The following KMT2C variants were observed in gnomAD, a reference collection of about 807,000 sequenced individuals.
KMT2C encodes the protein lysine methyltransferase 2C, also known as histone-lysine N-methyltransferase 2C.
Under a neutral mutation model 507.9 loss-of-function variants are expected in KMT2C, and 88 were observed. The ratio of observed to expected loss-of-function variants is 0.17; its 90% CI spans 0.15 to 0.21. KMT2C has a LOEUF of 0.21. Ranked by LOEUF, KMT2C falls within the 10% of genes least tolerant of loss-of-function variation. KMT2C has a pLI of 1.00. For missense variants in KMT2C, 4,954 were observed against 5,957.8 expected (o/e 0.83, Z 5.55); for synonymous variants, 2,049 against 2,080.8 (o/e 0.98, Z 0.42).
Position 152,207,347 on chromosome 7 carries a change from T to A in KMT2C, c.3794A>T (p.Glu1265Val). Residue 1265 changes from glutamate (E) to valine (V), a missense_variant, in exon 24 of 59, where the codon GAA becomes GTA. Transcript: ENST00000262189. ...EAVDDETKGV[E>V]GTDGVKKRKR... ...TCTCTTTTTGACACCATCTGTTCCTTCCACTCCCTTAGTTTCATCATCCAC... is the reference window on the plus strand; with the variant it reads ...TCTCTTTTTGACACCATCTGTTCCTACCACTCCCTTAGTTTCATCATCCAC... The A allele has an allele frequency of 6.2e-7, 1 of 1,611,378 alleles. No individual in the cohort carries two copies. Among genetic ancestry groups the A allele is most frequent in the South Asian group, 1.1e-5 (1 of 90,890 alleles).
intron 2 of KMT2C, among the ~76,000 whole-genome samples, chr7:152,352,675 G>T (rs1403591304): frequency 6.6e-6 from 1 of 152,128 alleles, no homozygotes. Context: ...CCAATATCTG[G>T]CTGAATTTCC....
chr7:152,263,600 T>G (rs954499834), intron 8 of KMT2C, among the ~76,000 whole-genome samples: 10 of 152,182 alleles, frequency 6.6e-5, no homozygotes, highest in African/African-American at 2.4e-4. Context: ...CAACTTAGAC[T>G]AAAGCTCTCT....
intron 15 of KMT2C, among the ~76,000 whole-genome samples, chr7:152,236,720 C>A (rs535995112): frequency 1.3e-5 from 2 of 152,264 alleles, no homozygotes; most frequent in African/African-American, 4.8e-5. Flanking sequence ...GAGACAAGAA[C>A]TTGCTCCGTC....
At chr7:152,323,563 C>G (rs2096790762) in intron 3 of KMT2C, among the ~76,000 whole-genome samples, 1 of 150,088 alleles carries the variant, frequency 6.7e-6, no homozygotes, top group Non-Finnish European at 1.5e-5. Context: ...TGCCTGAGCC[C>G]AGGAAGTTGA....
rs373378915 is a variant in KMT2C at position 152,162,995 on chromosome 7, T to A, written c.10582A>T (p.Asn3528Tyr). ...DSPSIPVGSP[N>Y]FSSVKQGHGN... ...TGTCCCTGCTTCACAGAAGAAAAAT[T>A]TGGGCTTCCAACAGGGATTGATGGT... The change falls in exon 43 of 59, where the codon AAT becomes TAT. Residue 3528 changes from asparagine to tyrosine, a missense_variant. Transcript: ENST00000262189. 2 of 1,614,134 alleles carry A rather than the reference T, an allele frequency of 1.2e-6. No homozygotes were observed. Among genetic ancestry groups the A allele is most frequent in the African/African-American group, 1.3e-5 (1 of 75,032 alleles).
chr7:152,408,930 C>A (rs2097651701), intron 1 of KMT2C, among the ~76,000 whole-genome samples: 1 of 151,638 alleles, frequency 6.6e-6, no homozygotes, highest in African/African-American at 2.4e-5. Flanking sequence ...GTTAATTCTA[C>A]ACTATCTAAA....
intron 43 of KMT2C, among the ~76,000 whole-genome samples, 190 bp downstream of exon 43, chr7:152,161,927 A>G (rs2092475392): frequency 6.6e-6 from 1 of 152,216 alleles, no homozygotes; most frequent in African/African-American, 2.4e-5. Flanking sequence ...TAAACAAATT[A>G]TTATTTAATA....
chr7:152,429,241 C>A (rs572411484), intron 1 of KMT2C, among the ~76,000 whole-genome samples: 1 of 152,168 alleles, frequency 6.6e-6, no homozygotes, highest in African/African-American at 2.4e-5. Flanking sequence ...ATAACATGTA[C>A]CAAATGAAAG....
intron 6 of KMT2C, among the ~76,000 whole-genome samples, chr7:152,280,377 C>T (rs1390255333): frequency 6.6e-6 from 1 of 151,052 alleles, no homozygotes; most frequent in African/African-American, 2.4e-5. Flanking sequence ...CCCGTCTCTA[C>T]TAAAAATAAA....
At chr7:152,147,895 T>A (rs542722015) in intron 52 of KMT2C, 138 bp downstream of exon 52, 8 of 896,812 alleles carry the variant, frequency 8.9e-6, no homozygotes, top group Middle Eastern at 3.5e-4. Flanking sequence ...AACACAAACA[T>A]TGGCATTTGT....
At chr7:152,279,127 C>A (rs892249739) in intron 6 of KMT2C, among the ~76,000 whole-genome samples, 1 of 152,060 alleles carries the variant, frequency 6.6e-6, no homozygotes, top group Non-Finnish European at 1.5e-5. Context: ...GCAGATGTGT[C>A]CCTAGACCTA....
Position 152,374,877 on chromosome 7 carries a change from T to C in KMT2C, c.162-16202A>G, listed in dbSNP as rs2097316476. ...TAGCCTTAGTGACACAGGGAGACTCTGTCTCTCAAAAAAAAAAAAAAAAAT... is the reference window on the plus strand; with the variant it reads ...TAGCCTTAGTGACACAGGGAGACTCCGTCTCTCAAAAAAAAAAAAAAAAAT... On this transcript the variant is annotated intron_variant, in intron 1 of 58. Coordinates refer to ENST00000262189, the MANE Select transcript of KMT2C (RefSeq NM_170606.3). Among the ~76,000 whole-genome samples, 4 of 142,072 alleles carry C rather than the reference T, an allele frequency of 2.8e-5. No homozygotes were observed. In the South Asian group the frequency reaches 8.9e-4, roughly 32 times the overall value. 93.2% of individuals were successfully genotyped at this position (142,072 alleles called of 152,430 possible). A position where few individuals can be genotyped will look rare whatever the true frequency, so the allele number is the denominator to read the frequency against.
Position 152,187,340 on chromosome 7 carries a change from C to A in KMT2C, c.4930G>T (p.Ala1644Ser), listed in dbSNP as rs1023088959. ...RSTLKWEKEEALGEMATVAPV... is the reference protein window; with the variant it reads ...RSTLKWEKEESLGEMATVAPV... ...GCAACAGTTGCCATTTCACCCAGAG[C>A]CTCCTCTTTCTCCCACTTAAGCGTG... The change falls in exon 33 of 59, where the codon GCT becomes TCT. Residue 1644 changes from alanine to serine, a missense_variant. Transcript: ENST00000262189. 6.2e-7 allele frequency: 1 copy of A among 1,614,116 alleles called. No homozygotes were observed.
chr7:152,184,690 C>A (rs909232678), intron 34 of KMT2C, among the ~76,000 whole-genome samples: 1 of 152,188 alleles, frequency 6.6e-6, no homozygotes, highest in African/African-American at 2.4e-5. Flanking sequence ...CCTGCAGATA[C>A]CAAAATCCAC....
chr7:152,151,131 G>T, intron 50 of KMT2C, 124 bp from the exon 51 acceptor site: 1 of 655,114 alleles, frequency 1.5e-6, no homozygotes, highest in South Asian at 2.1e-5. Context: ...ATAGTAGAAA[G>T]GAAACTATGT....
intron 14 of KMT2C, among the ~76,000 whole-genome samples, chr7:152,239,832 T>A (rs2095351568): frequency 6.6e-6 from 1 of 152,170 alleles, no homozygotes; most frequent in African/African-American, 2.4e-5. Context: ...AGGTACATAG[T>A]ACTTACCAGG....
chr7:152,367,200 T>C, intron 1 of KMT2C: 2 of 1,494,302 alleles, frequency 1.3e-6, no homozygotes, highest in Non-Finnish European at 1.8e-6. Flanking sequence ...TGAGGAAGCT[T>C]TTCTACTCAG....
intron 2 of KMT2C, among the ~76,000 whole-genome samples, chr7:152,332,608 G>A (rs1258647636): frequency 6.6e-6 from 1 of 152,164 alleles, no homozygotes; most frequent in Non-Finnish European, 1.5e-5. Context: ...CACTTTGGGA[G>A]GCCAAGGTGG....
rs149653107 is a variant in KMT2C at position 152,302,235 on chromosome 7, A to G, written c.849+7731T>C. Among the ~76,000 whole-genome samples, 107 of 152,186 alleles carry G rather than the reference A, an allele frequency of 7.0e-4. 1 individual carries two copies. In the East Asian group the frequency reaches 0.018, roughly 25 times the overall value. On this transcript the variant is annotated intron_variant, in intron 6 of 58. Transcript: ENST00000262189. ...TTTTTTAATGTCTTATTTTAAGAGT[A>G]AAACACCTGGTTTTTTTTGAGATGG...
Sources: gnomAD v4.1 joint callset for allele counts (sites outside exome capture counted in the v4.1 genomes callset) on GRCh38, gnomAD v4.1.1 for gene constraint, MANE v1.5 for transcripts, NCBI Gene and HGNC (gene_info 2026-07-23, HGNC 2026-07-21) for gene names.